TLR2: variants seen among roughly 807,000 people sequenced by gnomAD.
The protein encoded by TLR2 is toll like receptor 2.
TLR2 carries 7 observed loss-of-function variants against 9.1 expected under a neutral mutation model. That is an observed-to-expected ratio of 0.77 (90% CI 0.44 to 1.44). The LOEUF (loss-of-function observed/expected upper bound fraction) is 1.44. Ranked by LOEUF, TLR2 falls within the 40% of genes most tolerant of loss-of-function variation. The pLI is 0.01. For synonymous variants in TLR2, 317 were observed against 344.6 expected (o/e 0.92, Z 0.89); for missense variants, 812 against 904.6 (o/e 0.90, Z 1.31).
rs140911502 is a variant in TLR2 at position 153,701,120 on chromosome 4, A to C, written c.-16-1772A>C. ...ATATAAAATATAAGAACATCTGTTC[A>C]TCAAAAGTACTATAGTTTGAATAGC... On this transcript the variant is annotated intron_variant, in intron 2 of 2. Coordinates refer to ENST00000642700, the MANE Select transcript of TLR2 (RefSeq NM_001318789.2). Among the ~76,000 whole-genome samples the C allele has an allele frequency of 7.0e-3, 1,073 of 152,378 alleles. 12 individuals are homozygous for C. Among genetic ancestry groups the C allele is most frequent in the African/African-American group, 0.025 (1,030 of 41,594 alleles).
chr4:153,689,692 C>A (rs527372561), intron 2 of TLR2, among the ~76,000 whole-genome samples: 62 of 152,282 alleles, frequency 4.1e-4, no homozygotes, highest in African/African-American at 1.4e-3. Context: ...TTATTGCCAG[C>A]CAAGATTGAT....
chr4:153,705,253 A>C lies in TLR2; in HGVS notation c.2346A>C (p.Ile782=). ...EGFWVNLRAA[I]KS ...TTTGGGTAAATCTGAGAGCTGCGAT[A>C]AAGTCCTAGGTTCCCATATTTAAGA... Residue 782 remains isoleucine, a synonymous_variant, in exon 3 of 3, where the codon ATA becomes ATC. Transcript: ENST00000642700. The C allele has an allele frequency of 6.3e-7, 1 of 1,582,524 alleles. No individual in the cohort carries two copies. Among genetic ancestry groups the C allele is most frequent in the East Asian group, 2.3e-5 (1 of 44,436 alleles).
intron 2 of TLR2, chr4:153,701,837 C>T (rs1300865867): frequency 6.6e-6 from 1 of 151,362 alleles, no homozygotes; most frequent in Non-Finnish European, 1.5e-5. Context: ...GCTTCAACAG[C>T]ATTTAAATTC....
chr4:153,700,900 A>G (rs1323301540), intron 2 of TLR2, among the ~76,000 whole-genome samples: 1 of 152,190 alleles, frequency 6.6e-6, no homozygotes, highest in Non-Finnish European at 1.5e-5. Flanking sequence ...GATGATCTGT[A>G]AAAAACAAGT....
downstream of TLR2, among the ~76,000 whole-genome samples, chr4:153,707,986 A>G (rs191131205): frequency 6.6e-6 from 1 of 152,372 alleles, no homozygotes; most frequent in East Asian, 1.9e-4. Context: ...CCAGCTATCC[A>G]GGCATCTTTC....
chr4:153,694,340 CA>C (rs1736338571), intron 2 of TLR2, among the ~76,000 whole-genome samples: 1 of 152,182 alleles, frequency 6.6e-6, no homozygotes, highest in Admixed American at 6.5e-5. Flanking sequence ...TCATGGCCAT[CA>C]CAAACATGTC....
At chr4:153,687,609 AATT>A (rs1485332018) in intron 1 of TLR2, among the ~76,000 whole-genome samples, 1 of 151,674 alleles carries the variant, frequency 6.6e-6, no homozygotes, top group Non-Finnish European at 1.5e-5. Flanking sequence ...TTTTTTTTGT[AATT>A]AATAGCTAAA....
chr4:153,688,974 C>T (rs1735913171), intron 2 of TLR2, among the ~76,000 whole-genome samples: 1 of 152,190 alleles, frequency 6.6e-6, no homozygotes, highest in Non-Finnish European at 1.5e-5. Flanking sequence ...GCATACTATA[C>T]AAAGACAAAC....
intron 1 of TLR2, among the ~76,000 whole-genome samples, chr4:153,687,493 G>A (rs1735790460): frequency 6.6e-6 from 1 of 152,138 alleles, no homozygotes; most frequent in Non-Finnish European, 1.5e-5. Context: ...GACATAAGCA[G>A]GAGGCCATTA....
Position 153,704,730 on chromosome 4 carries a change from T to C in TLR2, c.1823T>C (p.Leu608Pro), listed in dbSNP as rs1329652905. Reference protein sequence around the residue: ...LFLLILLTGVLCHRFHGLWYM... With the variant: ...LFLLILLTGVPCHRFHGLWYM... Reference sequence around the variant, plus strand: ...CTGCTGATCCTGCTCACGGGGGTCCTGTGCCACCGTTTCCATGGCCTGTGG... The same window carrying C: ...CTGCTGATCCTGCTCACGGGGGTCCCGTGCCACCGTTTCCATGGCCTGTGG... Residue 608 changes from leucine (L) to proline (P), a missense_variant, in exon 3 of 3, where the codon CTG becomes CCG. By Grantham distance (98) the Leu-to-Pro change is moderately conservative. Transcript: ENST00000642700. The C allele has an allele frequency of 1.2e-6, 2 of 1,614,034 alleles. No homozygotes were observed. Among genetic ancestry groups the C allele is most frequent in the Admixed American group, 1.7e-5 (1 of 60,000 alleles).
At position 153,704,885 on chromosome 4, in the gene TLR2, G is replaced by A. The variant is rs563618601; in HGVS notation, c.1978G>A (p.Val660Ile). 3.1e-6 allele frequency: 5 copies of A among 1,613,658 alleles called. No homozygotes were observed. In the South Asian group the frequency reaches 5.5e-5, roughly 18 times the overall value. Residue 660 changes from valine to isoleucine, a missense_variant, in exon 3 of 3, where the codon GTC (valine) becomes ATC (isoleucine). Transcript: ENST00000642700. ...TGCCTACTGGGTGGAGAACCTTATG[G>A]TCCAGGAGCTGGAGAACTTCAATCC... ...RDAYWVENLM[V>I]QELENFNPPF...
chr4:153,710,329 A>G, downstream of TLR2: 1 of 1,487,002 alleles, frequency 6.7e-7, no homozygotes. Context: ...TGGACCAAGG[A>G]TTTCAACCAT....
At chr4:153,702,325 A>T (rs1380077153) in intron 2 of TLR2, 1 of 152,230 alleles carries the variant, frequency 6.6e-6, no homozygotes, top group African/African-American at 2.4e-5. Flanking sequence ...TGCTAGTGAT[A>T]GGTGTGAGGC....
At chr4:153,701,393 CAGACAACAGTGCACATGCCTTGATCTT>C (rs1213900875) in intron 2 of TLR2, 1 of 152,416 alleles carries the variant, frequency 6.6e-6, no homozygotes, top group Non-Finnish European at 1.5e-5. Context: ...AAGCCCTCAC[CAGACAACAGTGCACATGCCTTGATCTT>C]AGACTTCCCA....
rs1737307340 is a variant in TLR2, at chr4:153,705,960, C to T, written c.*698C>T. Among the ~76,000 whole-genome samples the T allele has an allele frequency of 6.6e-6, 1 of 152,210 alleles. No individual in the cohort carries two copies. Among genetic ancestry groups the T allele is most frequent in the African/African-American group, 2.4e-5 (1 of 41,456 alleles). On this transcript the variant is annotated 3_prime_UTR_variant, in exon 3 of 3. Coordinates refer to ENST00000642700, the MANE Select transcript of TLR2 (RefSeq NM_001318789.2). Reference sequence around the variant, plus strand: ...CCACAAAAGGCATTCTCTGTCCTACCTAGCTGTCACTTCTCTGTGCAGCTG... The same window carrying T: ...CCACAAAAGGCATTCTCTGTCCTACTTAGCTGTCACTTCTCTGTGCAGCTG...
At position 153,705,475 on chromosome 4, in the gene TLR2, T is replaced by C. The variant is rs1346078199; in HGVS notation, c.*213T>C. 1 of 474,980 alleles carries C rather than the reference T, an allele frequency of 2.1e-6. No homozygotes were observed. The highest frequency in any genetic ancestry group is 2.0e-5 in the African/African-American group (1 of 49,702). 29.4% of individuals were successfully genotyped at this position (474,980 alleles called of 1,614,324 possible). A position where few individuals can be genotyped will look rare whatever the true frequency, so the allele number is the denominator to read the frequency against. The stretch of plus-strand genomic sequence containing the variant: ...AAATTGGTTTTTGGTTTTTCTTTTT[T>C]CTATGAGATAACCATGATCATAAGT... On this transcript the variant is annotated 3_prime_UTR_variant, in exon 3 of 3. Coordinates refer to ENST00000642700, the MANE Select transcript of TLR2 (RefSeq NM_001318789.2).
chr4:153,702,761 T>TC (rs1491323567), intron 2 of TLR2, 131 bp from the exon 3 acceptor site: 196 of 540,976 alleles, frequency 3.6e-4, no homozygotes, highest in East Asian at 2.8e-3. Context: ...TCTCTCTCTC[T>TC]TTGTGTGTGT....
At chr4:153,706,875 T>C (rs1047258144), downstream of TLR2, among the ~76,000 whole-genome samples, 9 of 152,194 alleles carry the variant, frequency 5.9e-5, no homozygotes, top group African/African-American at 2.2e-4. Flanking sequence ...ACTGAGAGTA[T>C]GAAATGTAGG....
chr4:153,705,235 A>G lies in TLR2; in HGVS notation c.2328A>G (p.Val776=). The change falls in exon 3 of 3, where the codon GTA becomes GTG. Residue 776 remains valine, a synonymous_variant. Coordinates refer to ENST00000642700, the MANE Select transcript of TLR2 (RefSeq NM_001318789.2). ...AGGCTCAGCGGGAAGGATTTTGGGTAAATCTGAGAGCTGCGATAAAGTCCT... is the reference window on the plus strand; with the variant it reads ...AGGCTCAGCGGGAAGGATTTTGGGTGAATCTGAGAGCTGCGATAAAGTCCT... The part of the protein sequence containing the change: ...MDEAQREGFW[V]NLRAAIKS 3 of 1,594,718 alleles carry G rather than the reference A, an allele frequency of 1.9e-6. No individual in the cohort carries two copies. The highest frequency in any genetic ancestry group is 2.6e-6 in the Non-Finnish European group (3 of 1,168,872).
Sources: gnomAD v4.1 joint callset for allele counts (sites outside exome capture counted in the v4.1 genomes callset) on GRCh38, gnomAD v4.1.1 for gene constraint, MANE v1.5 for transcripts, NCBI Gene and HGNC (gene_info 2026-07-23, HGNC 2026-07-21) for gene names.